SYNPR: variants seen among roughly 807,000 people sequenced by gnomAD.
SYNPR encodes the protein synaptoporin.
Under a neutral mutation model 32.9 loss-of-function variants are expected in SYNPR, and 23 were observed. That is an observed-to-expected ratio of 0.70 (90% CI 0.50 to 0.99). The LOEUF (loss-of-function observed/expected upper bound fraction) is 0.99. Ranked by LOEUF, SYNPR falls within the 50% of genes least tolerant of loss-of-function variation. The probability of loss-of-function intolerance (pLI) is 0.00; values close to 1 mark genes in which losing one functional copy is unlikely to be tolerated. For synonymous variants in SYNPR, 146 were observed against 135.9 expected (o/e 1.07, Z -0.52); for missense variants, 318 against 349.3 (o/e 0.91, Z 0.71).
chr3:63,278,875 C>T (rs553178653), intron 2 of SYNPR, 133 bp downstream of exon 2: 2 of 1,050,728 alleles, frequency 1.9e-6, no homozygotes, highest in Admixed American at 4.5e-5. Context: ...GATTTCAATC[C>T]TGCCCCCTCC....
chr3:63,549,041 C>A (rs907117975), intron 3 of SYNPR, among the ~76,000 whole-genome samples: 9 of 152,178 alleles, frequency 5.9e-5, no homozygotes, highest in Admixed American at 5.9e-4. Flanking sequence ...AATCACACCA[C>A]AATTATCACA....
chr3:63,532,103 C>T (rs563103308), intron 3 of SYNPR, among the ~76,000 whole-genome samples: 19 of 152,152 alleles, frequency 1.2e-4, no homozygotes, highest in African/African-American at 3.6e-4. Flanking sequence ...CAATAGAAGA[C>T]GAATGTAAAC....
intron 2 of SYNPR, among the ~76,000 whole-genome samples, chr3:63,375,334 A>G (rs1038935806): frequency 3.3e-5 from 5 of 152,308 alleles, no homozygotes; most frequent in East Asian, 1.9e-4. Flanking sequence ...ATGTCCATCA[A>G]TGATAGACTG....
chr3:63,251,539 T>C (rs1421587253), intron 1 of SYNPR, among the ~76,000 whole-genome samples: 1 of 151,876 alleles, frequency 6.6e-6, no homozygotes, highest in Non-Finnish European at 1.5e-5. Flanking sequence ...AAGAATAGAG[T>C]AGGAAGAGCT....
At chr3:63,433,317 T>C (rs1700024389) in intron 2 of SYNPR, among the ~76,000 whole-genome samples, 1 of 152,208 alleles carries the variant, frequency 6.6e-6, no homozygotes, top group East Asian at 1.9e-4. Flanking sequence ...CTGACTCTCT[T>C]AATTTGTATC....
At chr3:63,332,616 T>C (rs2087242096) in intron 2 of SYNPR, among the ~76,000 whole-genome samples, 2 of 152,184 alleles carry the variant, frequency 1.3e-5, no homozygotes, top group Admixed American at 6.5e-5. Flanking sequence ...GAAACATTTA[T>C]TGAACACTTT....
rs915665741 is a variant in SYNPR at position 63,466,746 on chromosome 3, G to C, written c.85-14086G>C. Among the ~76,000 whole-genome samples the C allele has an allele frequency of 2.2e-5, 3 of 133,976 alleles. No homozygotes were observed. The South Asian group carries it at 6.6e-4, about 30-fold the overall frequency. 87.9% of individuals were successfully genotyped at this position (133,976 alleles called of 152,430 possible). On this transcript the variant is annotated intron_variant, in intron 2 of 5. Coordinates refer to ENST00000478300, the MANE Select transcript of SYNPR (RefSeq NM_001130003.2). ...CCTCTTCTCTCAGCCTGTGGAGAGG[G>C]ACAGAGAAAGTGTCAGCTCTCTGGT...
intron 3 of SYNPR, among the ~76,000 whole-genome samples, chr3:63,529,902 ATTAG>A (rs1302010195): frequency 6.6e-6 from 1 of 152,138 alleles, no homozygotes; most frequent in African/African-American, 2.4e-5. Flanking sequence ...CTCATCCACC[ATTAG>A]TTAGTGGTAG....
At chr3:63,553,527 T>C (rs1375598640) in intron 3 of SYNPR, among the ~76,000 whole-genome samples, 1 of 152,180 alleles carries the variant, frequency 6.6e-6, no homozygotes, top group East Asian at 1.9e-4. Context: ...ATGCTTTCCA[T>C]GGTGGCTAAG....
chr3:63,350,620 G>A (rs1015482691), intron 2 of SYNPR, among the ~76,000 whole-genome samples: 2 of 152,242 alleles, frequency 1.3e-5, no homozygotes, highest in African/African-American at 2.4e-5. Flanking sequence ...AGGCAAAAGT[G>A]TAAGTCAAAT....
At position 63,360,890 on chromosome 3, in the gene SYNPR, A is replaced by T. The variant is rs184580578; in HGVS notation, c.84+82148A>T. On this transcript the variant is annotated intron_variant, in intron 2 of 5. Coordinates refer to ENST00000478300, the MANE Select transcript of SYNPR (RefSeq NM_001130003.2). Reference sequence around the variant, plus strand: ...TTATTGCTATCCAAGATCACCCATGATGTGTGTGTGTTTGCGTCTATTGTC... The same window carrying T: ...TTATTGCTATCCAAGATCACCCATGTTGTGTGTGTGTTTGCGTCTATTGTC... Among the ~76,000 whole-genome samples, 698 of 152,124 alleles carry T rather than the reference A, an allele frequency of 4.6e-3. 4 individuals are homozygous for T. The highest frequency in any genetic ancestry group is 8.6e-3 in the Admixed American group (131 of 15,270).
intron 4 of SYNPR, among the ~76,000 whole-genome samples, chr3:63,598,255 C>T (rs1575730747): frequency 6.6e-6 from 1 of 152,174 alleles, no homozygotes. Flanking sequence ...GACAGGTTTA[C>T]CTGGTCTGAA....
the SYNPR span, among the ~76,000 whole-genome samples, chr3:63,217,503 C>A: frequency 1.5e-5 from 1 of 65,006 alleles, no homozygotes; most frequent in East Asian, 2.4e-4. Context: ...TTCTTTGACT[C>A]TGAAAGGGAA....
intron 2 of SYNPR, among the ~76,000 whole-genome samples, chr3:63,440,598 A>T (rs1428154908): frequency 6.6e-6 from 1 of 152,182 alleles, no homozygotes; most frequent in Non-Finnish European, 1.5e-5. Flanking sequence ...CTGGAAAAAA[A>T]TACGAGGCAG....
chr3:63,369,264 A>G (rs528043512), intron 2 of SYNPR, among the ~76,000 whole-genome samples: 1 of 148,646 alleles, frequency 6.7e-6, no homozygotes, highest in African/African-American at 2.5e-5. Flanking sequence ...CTCTGCTGAC[A>G]CTTTGATCCT....
At chr3:63,413,632 A>T (rs1209877176) in intron 2 of SYNPR, among the ~76,000 whole-genome samples, 1 of 152,226 alleles carries the variant, frequency 6.6e-6, no homozygotes, top group Non-Finnish European at 1.5e-5. Flanking sequence ...CAGTTATGCT[A>T]AGCTAGAACT....
At chr3:63,359,029 A>G (rs977973245) in intron 2 of SYNPR, among the ~76,000 whole-genome samples, 4 of 152,214 alleles carry the variant, frequency 2.6e-5, no homozygotes, top group African/African-American at 9.6e-5. Flanking sequence ...TAATGATACT[A>G]AGTATTGTTG....
chr3:63,346,532 C>T (rs1020910343), intron 2 of SYNPR, among the ~76,000 whole-genome samples: 12 of 152,022 alleles, frequency 7.9e-5, no homozygotes, highest in Non-Finnish European at 1.5e-4. Flanking sequence ...AGTGCAGTGG[C>T]GTGGTCTCGG....
intron 3 of SYNPR, among the ~76,000 whole-genome samples, chr3:63,511,798 T>G (rs780824266): frequency 2.0e-5 from 3 of 152,084 alleles, no homozygotes; most frequent in African/African-American, 7.2e-5. Context: ...ACTTATGAGG[T>G]TTCTGCTGCT....
Sources: allele counts gnomAD v4.1 joint callset (sites outside exome capture counted in the v4.1 genomes callset), GRCh38; gene constraint gnomAD v4.1.1; transcripts MANE v1.5; gene names NCBI Gene and HGNC (gene_info 2026-07-23, HGNC 2026-07-21).